TIMP3: variants seen among roughly 807,000 people sequenced by gnomAD.
TIMP3 encodes the protein TIMP metallopeptidase inhibitor 3.
Under a neutral mutation model 30.0 loss-of-function variants are expected in TIMP3, and 11 were observed. The observed-to-expected ratio is 0.37, with a 90% CI of 0.23 to 0.61. The LOEUF (loss-of-function observed/expected upper bound fraction) is 0.61. TIMP3 is among the 20% of genes least tolerant of loss of function. The pLI, the probability that TIMP3 is intolerant of heterozygous loss-of-function variation, is 0.70. For missense variants in TIMP3, 181 were observed against 276.8 expected, an observed-to-expected ratio of 0.65 and a Z score of 2.45; for synonymous variants, 112 against 111.3, an observed-to-expected ratio of 1.01 and a Z score of -0.04.
intron 2 of TIMP3, among the ~76,000 whole-genome samples, chr22:32,854,968 G>A (rs559212766): frequency 5.1e-4 from 77 of 152,128 alleles, no homozygotes; most frequent in Non-Finnish European, 9.7e-4. Context: ...ATGAGAAAAC[G>A]CCAGCTCACA....
chr22:32,815,541 G>A (rs148221119), intron 1 of TIMP3, among the ~76,000 whole-genome samples: 16 of 152,196 alleles, frequency 1.1e-4, no homozygotes, highest in African/African-American at 3.9e-4. Flanking sequence ...TTTCTACTTT[G>A]CAGATGAAAA....
intron 2 of TIMP3, among the ~76,000 whole-genome samples, chr22:32,855,194 C>T (rs2048330733): frequency 6.6e-6 from 1 of 152,186 alleles, no homozygotes; most frequent in African/African-American, 2.4e-5. Context: ...CTTGGTGCCC[C>T]ACCGCCCCCG....
chr22:32,836,558 C>A (rs747157353), intron 1 of TIMP3, among the ~76,000 whole-genome samples: 1 of 152,232 alleles, frequency 6.6e-6, no homozygotes, highest in Non-Finnish European at 1.5e-5. Context: ...TTCCTCCGCA[C>A]CTTCAGTGCT....
chr22:32,844,883 T>C (rs2048016653), intron 1 of TIMP3, among the ~76,000 whole-genome samples: 1 of 152,046 alleles, frequency 6.6e-6, no homozygotes, highest in Admixed American at 6.6e-5. Flanking sequence ...GCTAATTGTT[T>C]TAAATTTTTA....
chr22:32,853,927 ACT>A (rs1435703447), intron 2 of TIMP3, among the ~76,000 whole-genome samples: 2 of 152,054 alleles, frequency 1.3e-5, no homozygotes, highest in African/African-American at 2.4e-5. Flanking sequence ...GAAGATTCAA[ACT>A]CTGGCTGTCA....
chr22:32,813,638 C>T (rs1476447605), intron 1 of TIMP3, among the ~76,000 whole-genome samples: 2 of 151,064 alleles, frequency 1.3e-5, no homozygotes, highest in Admixed American at 6.6e-5. Context: ...TTTCAATTCT[C>T]GGATCTCTGA....
intron 1 of TIMP3, among the ~76,000 whole-genome samples, chr22:32,834,832 G>T (rs2047683051): frequency 6.6e-6 from 1 of 152,166 alleles, no homozygotes; most frequent in African/African-American, 2.4e-5. Context: ...ACCCAGAAAT[G>T]ACTGGATCCA....
At chr22:32,822,932 A>C (rs571200360) in intron 1 of TIMP3, among the ~76,000 whole-genome samples, 9 of 151,448 alleles carry the variant, frequency 5.9e-5, no homozygotes, top group South Asian at 2.1e-4. Context: ...ACAACAACAA[A>C]AAAAAAACAG....
chr22:32,839,458 AC>A (rs543725931), intron 1 of TIMP3, among the ~76,000 whole-genome samples: 105 of 152,160 alleles, frequency 6.9e-4, no homozygotes, highest in African/African-American at 2.4e-3. Flanking sequence ...GCCTCATTGG[AC>A]CCTTAGAAAC....
chr22:32,844,873 G>T lies in TIMP3; in HGVS notation c.122-4579G>T, dbSNP rs186331296. 3.5e-4 allele frequency among the ~76,000 whole-genome samples: 53 copies of T among 152,152 alleles called. No homozygotes were observed. In the East Asian group the frequency reaches 9.5e-3, roughly 27 times the overall value. On this transcript the variant is annotated intron_variant, in intron 1 of 4. Coordinates refer to ENST00000266085, the MANE Select transcript of TIMP3 (RefSeq NM_000362.5). ...CTACAGATACACGGCACCATGCCTG[G>T]CTAATTGTTTTAAATTTTTATAATT...
chr22:32,853,200 C>T (rs911751344), intron 2 of TIMP3, among the ~76,000 whole-genome samples: 1 of 152,220 alleles, frequency 6.6e-6, no homozygotes, highest in African/African-American at 2.4e-5. Flanking sequence ...GCCCGTGGTT[C>T]TTCCTGCCTT....
chr22:32,834,323 A>ATT (rs5845042), intron 1 of TIMP3, among the ~76,000 whole-genome samples: 14,630 of 143,398 alleles, frequency 0.1, 883 homozygotes, highest in Admixed American at 0.18. Flanking sequence ...TGGCTAATTT[A>ATT]TTTTTTTTTT....
intron 2 of TIMP3, among the ~76,000 whole-genome samples, chr22:32,854,748 C>T (rs1216254026): frequency 6.6e-6 from 1 of 152,220 alleles, no homozygotes; most frequent in Non-Finnish European, 1.5e-5. Context: ...GTGGACGGCA[C>T]TTCTTCCAGC....
At chr22:32,829,823 C>T (rs771500118) in intron 1 of TIMP3, among the ~76,000 whole-genome samples, 5 of 152,232 alleles carry the variant, frequency 3.3e-5, no homozygotes, top group African/African-American at 4.8e-5. Flanking sequence ...TGCACTCTGA[C>T]GTACCACTTT....
chr22:32,838,620 G>A (rs535148771), intron 1 of TIMP3, among the ~76,000 whole-genome samples: 1 of 152,126 alleles, frequency 6.6e-6, no homozygotes, highest in African/African-American at 2.4e-5. Flanking sequence ...TTGGAGGTCA[G>A]TCTTCAATAT....
chr22:32,816,943 G>A (rs955188486), intron 1 of TIMP3, among the ~76,000 whole-genome samples: 7 of 152,068 alleles, frequency 4.6e-5, no homozygotes, highest in Admixed American at 1.3e-4. Context: ...CTTTGGAGCC[G>A]GGCACAGCGG....
Position 32,801,919 on chromosome 22 carries a change from G to A in TIMP3, c.-83G>A. Reference sequence around the variant, plus strand: ...CACGGCCCGGCGGGCGAGCGAGCTCGGGCTGCAGCAGCCCCGCCGGCGGCG... The same window carrying A: ...CACGGCCCGGCGGGCGAGCGAGCTCAGGCTGCAGCAGCCCCGCCGGCGGCG... On this transcript the variant is annotated 5_prime_UTR_variant, in exon 1 of 5. Transcript: ENST00000266085. The surrounding 1 kb of genome is among the most constrained non-coding windows in gnomAD (Gnocchi z 4.7). 1 of 1,473,114 alleles carries A rather than the reference G, an allele frequency of 6.8e-7. No homozygotes were observed. The highest frequency in any genetic ancestry group is 1.3e-5 in the South Asian group (1 of 77,190). 91.3% of individuals were successfully genotyped at this position (1,473,114 alleles called of 1,614,324 possible). A position where few individuals can be genotyped will look rare whatever the true frequency, so the allele number is the denominator to read the frequency against.
rs2046783017 is a variant in TIMP3, at chr22:32,807,378, A to T, written c.121+5256A>T. On this transcript the variant is annotated intron_variant, in intron 1 of 4. Coordinates refer to ENST00000266085, the MANE Select transcript of TIMP3 (RefSeq NM_000362.5). ...ATAATATATAATATATATTATATAT[A>T]ATATATATTATATATAATATATATA... 1.0e-4 allele frequency among the ~76,000 whole-genome samples: 11 copies of T among 108,210 alleles called. No homozygotes were observed. In the South Asian group the frequency reaches 2.9e-3, roughly 28 times the overall value. 71.0% of individuals were successfully genotyped at this position (108,210 alleles called of 152,430 possible).
chr22:32,855,057 A>G (rs2048326845), intron 2 of TIMP3, among the ~76,000 whole-genome samples: 1 of 152,240 alleles, frequency 6.6e-6, no homozygotes, highest in Non-Finnish European at 1.5e-5. Context: ...GTAAATTAAT[A>G]CCAAATGCCA....
Sources: gnomAD v4.1 joint callset for allele counts (sites outside exome capture counted in the v4.1 genomes callset) on GRCh38, gnomAD v4.1.1 for gene constraint, Gnocchi (gnomAD v3.1) non-coding constraint, MANE v1.5 for transcripts, NCBI Gene and HGNC (gene_info 2026-07-23, HGNC 2026-07-21) for gene names.